Variants in IFT81 observed in about 807,000 individuals in gnomAD.
The protein encoded by IFT81 is intraflagellar transport protein 81 homolog.
In IFT81, 72 loss-of-function variants were observed where a neutral mutation model predicts 102.6. The ratio of observed to expected loss-of-function variants is 0.70; its 90% CI spans 0.58 to 0.85. The LOEUF (loss-of-function observed/expected upper bound fraction) is 0.85, where lower values mean the gene tolerates loss of function less well. Ranked by LOEUF, IFT81 falls within the 40% of genes least tolerant of loss-of-function variation. The pLI is 0.00. For missense variants in IFT81, 723 were observed against 787.3 expected (o/e 0.92, Z 0.98); for synonymous variants, 237 against 242.7 (o/e 0.98, Z 0.22).
At chr12:110,158,326 C>G (rs1289253893) in intron 10 of IFT81, among the ~76,000 whole-genome samples, 1 of 152,172 alleles carries the variant, frequency 6.6e-6, no homozygotes, top group Non-Finnish European at 1.5e-5. Flanking sequence ...AGTGATTCAC[C>G]TGCTTTGGCC....
intron 8 of IFT81, among the ~76,000 whole-genome samples, chr12:110,137,152 C>A (rs1894563514): frequency 6.6e-6 from 1 of 152,166 alleles, no homozygotes; most frequent in South Asian, 2.1e-4. Flanking sequence ...CCAGCCTAGC[C>A]AACATGGCGA....
intron 14 of IFT81, among the ~76,000 whole-genome samples, chr12:110,199,798 G>C (rs564840163): frequency 6.6e-6 from 1 of 152,164 alleles, no homozygotes; most frequent in African/African-American, 2.4e-5. Context: ...TTACTCATCT[G>C]TGCTAACTAT....
intron 9 of IFT81, among the ~76,000 whole-genome samples, chr12:110,144,383 A>C (rs1895076953): frequency 6.6e-6 from 1 of 150,820 alleles, no homozygotes; most frequent in Non-Finnish European, 1.5e-5. Context: ...CGCCTGGCTA[A>C]TTTTTGTATT....
At chr12:110,155,485 T>C (rs1235740935) in intron 10 of IFT81, among the ~76,000 whole-genome samples, 1 of 152,126 alleles carries the variant, frequency 6.6e-6, no homozygotes, top group African/African-American at 2.4e-5. Context: ...TAATTTTTTG[T>C]ATTTTCAGTA....
At chr12:110,192,568 CT>C in intron 13 of IFT81, 48 bp from the exon 14 acceptor site, 1 of 1,029,526 alleles carries the variant, frequency 9.7e-7, no homozygotes, top group Non-Finnish European at 1.5e-6. Context: ...TAGTATTTTT[CT>C]TTTTTTGAAT....
intron 12 of IFT81, among the ~76,000 whole-genome samples, chr12:110,187,289 AG>A (rs1897576181): frequency 6.6e-6 from 1 of 151,920 alleles, no homozygotes; most frequent in African/African-American, 2.4e-5. Flanking sequence ...TTTGAGACAG[AG>A]TCTCACTCTG....
At chr12:110,129,643 C>T (rs982835413) in intron 4 of IFT81, among the ~76,000 whole-genome samples, 11 of 151,958 alleles carry the variant, frequency 7.2e-5, no homozygotes, top group East Asian at 1.9e-4. Context: ...AGATAGATTC[C>T]GGAGTTTGAA....
chr12:110,174,776 A>T (rs1237488928), intron 11 of IFT81, among the ~76,000 whole-genome samples: 6 of 152,354 alleles, frequency 3.9e-5, no homozygotes, highest in Non-Finnish European at 8.8e-5. Context: ...AGGTTGTAAA[A>T]CATACTAAAT....
At chr12:110,134,727 G>C (rs1894378017) in intron 5 of IFT81, among the ~76,000 whole-genome samples, 1 of 152,130 alleles carries the variant, frequency 6.6e-6, no homozygotes, top group Admixed American at 6.6e-5. Context: ...ACTGGTTTTT[G>C]TTGCATTTCT....
chr12:110,174,474 A>AAG (rs1896955949), intron 11 of IFT81, among the ~76,000 whole-genome samples: 1 of 151,628 alleles, frequency 6.6e-6, no homozygotes, highest in African/African-American at 2.4e-5. Flanking sequence ...AAAAAAAAAA[A>AAG]AAATGGCTTT....
chr12:110,197,473 A>G (rs1898060528), intron 14 of IFT81, among the ~76,000 whole-genome samples: 1 of 140,060 alleles, frequency 7.1e-6, no homozygotes, highest in Admixed American at 7.2e-5. Flanking sequence ...CCATTGTACC[A>G]ATCCTGTTTT....
In IFT81 at chr12:110,162,021, G is replaced by A. The variant is rs192544094; in HGVS notation, c.1042-898G>A. Among the ~76,000 whole-genome samples, 36 of 152,334 alleles carry A rather than the reference G, an allele frequency of 2.4e-4. 1 individual carries two copies. The highest frequency in any genetic ancestry group is 7.7e-4 in the African/African-American group (32 of 41,584). ...TAGCTAATATAAAATGCTGCTAAGAGTAGCCATTTGCATTTTGTAAACATT... is the reference window on the plus strand; with the variant it reads ...TAGCTAATATAAAATGCTGCTAAGAATAGCCATTTGCATTTTGTAAACATT... On this transcript the variant is annotated intron_variant, in intron 10 of 18. Coordinates refer to ENST00000242591, the MANE Select transcript of IFT81 (RefSeq NM_014055.4).
intron 1 of IFT81, 67 bp from the exon 2 acceptor site, chr12:110,127,293 T>C: frequency 7.5e-7 from 1 of 1,325,614 alleles, no homozygotes; most frequent in Non-Finnish European, 9.9e-7. Context: ...ATGAACTTAA[T>C]TCTGGTTTTT....
At chr12:110,149,125 T>G (rs1479146241) in intron 10 of IFT81, among the ~76,000 whole-genome samples, 1 of 152,236 alleles carries the variant, frequency 6.6e-6, no homozygotes, top group Admixed American at 6.5e-5. Context: ...TTCCTTGCTT[T>G]CTGCATTATT....
At chr12:110,162,240 A>C (rs1896171907) in intron 10 of IFT81, 1 of 151,848 alleles carries the variant, frequency 6.6e-6, no homozygotes. Context: ...ATGTAAAAAT[A>C]CGGTAGACTT....
intron 14 of IFT81, chr12:110,203,653 GGC>G: frequency 1.8e-6 from 1 of 552,610 alleles, no homozygotes; most frequent in South Asian, 2.0e-5. Flanking sequence ...CAAAGAACCT[GGC>G]ACACAGCTCA....
At chr12:110,140,998 A>G (rs1054334539) in intron 8 of IFT81, among the ~76,000 whole-genome samples, 1 of 150,608 alleles carries the variant, frequency 6.6e-6, no homozygotes, top group Non-Finnish European at 1.5e-5. Context: ...AAGTGCTGGG[A>G]TTACAGGCAT....
At chr12:110,172,586 G>A (rs963685063) in intron 11 of IFT81, among the ~76,000 whole-genome samples, 5 of 152,188 alleles carry the variant, frequency 3.3e-5, no homozygotes, top group African/African-American at 9.6e-5. Flanking sequence ...ACAGGGTTTC[G>A]CTGTGTTGGC....
At chr12:110,186,202 A>G (rs1897520485) in intron 12 of IFT81, among the ~76,000 whole-genome samples, 1 of 151,932 alleles carries the variant, frequency 6.6e-6, no homozygotes, top group African/African-American at 2.4e-5. Flanking sequence ...TTGTCTTCTG[A>G]CTTCCATTAT....
Sources: allele counts gnomAD v4.1 joint callset (sites outside exome capture counted in the v4.1 genomes callset), GRCh38; gene constraint gnomAD v4.1.1; transcripts MANE v1.5; gene names NCBI Gene and HGNC (gene_info 2026-07-23, HGNC 2026-07-21).